Variants in GALNTL6 observed in about 807,000 individuals in gnomAD.
GALNTL6 encodes polypeptide N-acetylgalactosaminyltransferase-like 6.
GALNTL6 carries 46 observed loss-of-function variants against 73.7 expected under a neutral mutation model. The observed-to-expected ratio is 0.62, with a 90% CI of 0.49 to 0.80. The LOEUF (loss-of-function observed/expected upper bound fraction) is 0.80. GALNTL6 is among the 30% of genes least tolerant of loss of function. The pLI is 0.00. For synonymous variants in GALNTL6, 259 were observed against 263.7 expected (o/e 0.98, Z 0.17); for missense variants, 604 against 755.0 (o/e 0.80, Z 2.34).
chr4:172,828,293 C>CAAAAAAAAAAAAAAG (rs1464720487), intron 7 of GALNTL6, among the ~76,000 whole-genome samples: 1 of 141,856 alleles, frequency 7.0e-6, no homozygotes, highest in Non-Finnish European at 1.5e-5. Context: ...AAAAAAGAAA[C>CAAAAAAAAAAAAAAG]AAACAAAAAA....
At chr4:171,982,664 C>A (rs1739940871) in intron 2 of GALNTL6, among the ~76,000 whole-genome samples, 1 of 152,212 alleles carries the variant, frequency 6.6e-6, no homozygotes. Flanking sequence ...GTCCCCACAT[C>A]AACCCCTTGA....
At chr4:172,775,981 G>A (rs570061930) in intron 5 of GALNTL6, among the ~76,000 whole-genome samples, 1 of 152,234 alleles carries the variant, frequency 6.6e-6, no homozygotes, top group South Asian at 2.1e-4. Context: ...CAGCCTGAGT[G>A]AGGTAGGGAG....
intron 2 of GALNTL6, among the ~76,000 whole-genome samples, chr4:172,152,763 G>T (rs935302082): frequency 1.3e-5 from 2 of 151,996 alleles, no homozygotes; most frequent in Non-Finnish European, 2.9e-5. Context: ...CACCCACCAC[G>T]ACGACAAGCT....
At chr4:171,979,316 A>C (rs1739820249) in intron 2 of GALNTL6, among the ~76,000 whole-genome samples, 1 of 152,196 alleles carries the variant, frequency 6.6e-6, no homozygotes, top group Non-Finnish European at 1.5e-5. Flanking sequence ...AAAACATTGT[A>C]ATTTCATACT....
At chr4:172,622,203 G>A (rs1738989336) in intron 5 of GALNTL6, among the ~76,000 whole-genome samples, 1 of 151,986 alleles carries the variant, frequency 6.6e-6, no homozygotes, top group Admixed American at 6.6e-5. Flanking sequence ...CTGTTAATAG[G>A]AACTCAAGAA....
Position 172,559,058 on chromosome 4 carries a change from A to ATTTTTTT in GALNTL6, c.553+210389_553+210395dup, listed in dbSNP as rs71592081. Among the ~76,000 whole-genome samples the ATTTTTTT allele has an allele frequency of 1.2e-3, 95 of 77,384 alleles. 18 individuals carry two copies. The highest frequency in any genetic ancestry group is 1.7e-3 in the African/African-American group (31 of 18,700). The allele number at this position is 77,384 out of a possible 152,430, so 50.8% of individuals were successfully genotyped here. A position where few individuals can be genotyped will look rare whatever the true frequency, so the allele number is the denominator to read the frequency against. ...GTAAGGATGATGATAATGATAATGG[A>ATTTTTTT]TTTTTTTTTTTTTTTTTTTTTTTTT... On this transcript the variant is annotated intron_variant, in intron 5 of 12. Transcript: ENST00000506823.
At chr4:172,268,740 T>C (rs751727683) in intron 3 of GALNTL6, among the ~76,000 whole-genome samples, 1 of 152,088 alleles carries the variant, frequency 6.6e-6, no homozygotes, top group South Asian at 2.1e-4. Context: ...GGCCTCATAA[T>C]GGAATTAGAA....
In GALNTL6 at chr4:172,018,807, G is replaced by A. The variant is rs1580941; in HGVS notation, c.138+204089G>A. Among the ~76,000 whole-genome samples the A allele has an allele frequency of 7.2e-3, 1,100 of 152,182 alleles. 14 individuals carry two copies. The highest frequency in any genetic ancestry group is 0.025 in the African/African-American group (1,057 of 41,546). ...TTTAGTTTGAAGCTGCTTTCACCCT[G>A]TGACCCCTACTTAATTGTGCTGGCT... is the stretch of plus-strand genomic sequence containing the variant. On this transcript the variant is annotated intron_variant, in intron 2 of 12. Transcript: ENST00000506823.
chr4:172,212,778 C>G (rs1181976315), intron 2 of GALNTL6, among the ~76,000 whole-genome samples: 2 of 152,182 alleles, frequency 1.3e-5, no homozygotes, highest in Non-Finnish European at 2.9e-5. Context: ...AGCGATTCTC[C>G]TGCCTCAGCC....
chr4:172,344,449 T>C (rs1335806002), intron 4 of GALNTL6, among the ~76,000 whole-genome samples: 1 of 152,190 alleles, frequency 6.6e-6, no homozygotes. Context: ...TGGCTTTCCT[T>C]AGAGTGAAAA....
intron 2 of GALNTL6, among the ~76,000 whole-genome samples, chr4:172,163,679 T>G (rs1178470984): frequency 6.6e-6 from 1 of 152,030 alleles, no homozygotes. Flanking sequence ...TACGTTAAAC[T>G]TTGAAAACCA....
chr4:172,992,195 G>A (rs193167402), intron 10 of GALNTL6, among the ~76,000 whole-genome samples: 1 of 152,310 alleles, frequency 6.6e-6, no homozygotes, highest in East Asian at 1.9e-4. Context: ...GATAATGTCT[G>A]ACTCTTTCCA....
intron 2 of GALNTL6, among the ~76,000 whole-genome samples, chr4:172,209,452 A>G (rs1241665082): frequency 6.6e-6 from 1 of 152,014 alleles, no homozygotes; most frequent in Non-Finnish European, 1.5e-5. Context: ...TCAAAAAAAA[A>G]AAAAAATGAT....
chr4:172,528,863 T>C (rs1196213473), intron 5 of GALNTL6, among the ~76,000 whole-genome samples: 1 of 147,370 alleles, frequency 6.8e-6, no homozygotes, highest in South Asian at 2.2e-4. Context: ...ACATTATATT[T>C]TTCATCACAA....
intron 5 of GALNTL6, among the ~76,000 whole-genome samples, chr4:172,466,406 G>T (rs1190498607): frequency 6.6e-6 from 1 of 152,100 alleles, no homozygotes; most frequent in Non-Finnish European, 1.5e-5. Flanking sequence ...CTAACGAAAA[G>T]AATAAATTTT....
At chr4:172,214,606 C>G (rs929072462) in intron 2 of GALNTL6, among the ~76,000 whole-genome samples, 4 of 151,466 alleles carry the variant, frequency 2.6e-5, no homozygotes, top group African/African-American at 9.7e-5. Context: ...CCTCTGCCTC[C>G]TGGGTTCAAG....
At chr4:172,426,192 A>G (rs978273782) in intron 5 of GALNTL6, among the ~76,000 whole-genome samples, 4 of 152,138 alleles carry the variant, frequency 2.6e-5, no homozygotes, top group South Asian at 2.1e-4. Context: ...CTTTGTCTCT[A>G]TATCAGTATC....
At chr4:172,883,310 G>A (rs2111193984) in intron 8 of GALNTL6, among the ~76,000 whole-genome samples, 1 of 152,182 alleles carries the variant, frequency 6.6e-6, no homozygotes, top group South Asian at 2.1e-4. Flanking sequence ...TTTTTGCATT[G>A]CTATAAAGAA....
intron 2 of GALNTL6, among the ~76,000 whole-genome samples, chr4:172,140,083 T>A (rs1386605877): frequency 6.6e-6 from 1 of 152,054 alleles, no homozygotes; most frequent in Non-Finnish European, 1.5e-5. Flanking sequence ...TCTGAGGGTG[T>A]TTAGCACAAA....
Sources: allele counts gnomAD v4.1 joint callset (sites outside exome capture counted in the v4.1 genomes callset), GRCh38; gene constraint gnomAD v4.1.1; transcripts MANE v1.5; gene names NCBI Gene and HGNC (gene_info 2026-07-23, HGNC 2026-07-21).